ADCY5: variants seen among roughly 807,000 people sequenced by gnomAD.
ADCY5 encodes the protein adenylate cyclase 5.
ADCY5 carries 30 observed loss-of-function variants against 119.7 expected under a neutral mutation model. The observed-to-expected ratio is 0.25, with a 90% CI of 0.19 to 0.34. ADCY5 has a LOEUF of 0.34. Among genes scored for constraint, ADCY5 ranks in the 10% least tolerant of loss-of-function variants. The pLI, the probability that ADCY5 is intolerant of heterozygous loss-of-function variation, is 1.00. For missense variants in ADCY5, 1,324 were observed against 1,775.2 expected (o/e 0.75, Z 4.57); for synonymous variants, 753 against 762.2 (o/e 0.99, Z 0.20).
intron 14 of ADCY5, 26 bp from the exon 15 acceptor site, chr3:123,300,321 G>C (rs761545797): frequency 6.2e-7 from 1 of 1,610,024 alleles, no homozygotes; most frequent in Non-Finnish European, 8.5e-7. Flanking sequence ...AGCAGCATCA[G>C]CTCCCCAGGC....
chr3:123,291,656 G>T (rs370534719), intron 17 of ADCY5, among the ~76,000 whole-genome samples: 2 of 152,132 alleles, frequency 1.3e-5, no homozygotes, highest in African/African-American at 4.8e-5. Flanking sequence ...GCAGCAGGGA[G>T]CCCCGAGCAG....
chr3:123,412,807 A>C (rs916128839), intron 1 of ADCY5, among the ~76,000 whole-genome samples: 13 of 151,134 alleles, frequency 8.6e-5, no homozygotes, highest in African/African-American at 3.2e-4. Context: ...CAAAACAAAC[A>C]AACAATGACA....
At chr3:123,399,950 C>T (rs575584875) in intron 1 of ADCY5, among the ~76,000 whole-genome samples, 1 of 152,286 alleles carries the variant, frequency 6.6e-6, no homozygotes, top group East Asian at 1.9e-4. Flanking sequence ...TGTACAAAGG[C>T]AGCTGCACAA....
rs1553727887 is a variant in ADCY5 at position 123,332,596 on chromosome 3, C to A, written c.1486G>T (p.Glu496Ter). Residue 496 changes from glutamate to a stop codon, truncating the protein, a stop_gained, in exon 4 of 21, where the codon GAG (glutamate) becomes TAG (stop). Coordinates refer to ENST00000462833, the MANE Select transcript of ADCY5 (RefSeq NM_183357.3). LOFTEE classifies it high-confidence loss of function. Reference protein sequence around the residue: ...TAQELVMTLNELFARFDKLAA... With the variant: ...TAQELVMTLN ...AGCTTGTCAAAGCGGGCGAAGAGCT[C>A]GTTGAGGGTCATGACCAGTTCCTGT... The A allele has an allele frequency of 6.2e-7, 1 of 1,613,692 alleles. No individual in the cohort carries two copies. Among genetic ancestry groups the A allele is most frequent in the South Asian group, 1.1e-5 (1 of 91,018 alleles).
intron 3 of ADCY5, among the ~76,000 whole-genome samples, chr3:123,338,456 CCTACAGCAGACTGT>C (rs1942123976): frequency 6.6e-6 from 1 of 152,212 alleles, no homozygotes; most frequent in African/African-American, 2.4e-5. Flanking sequence ...CAAGGTTTAC[CCTACAGCAGACTGT>C]CTGTTCTGCT....
chr3:123,313,766 T>C (rs1479509652), intron 12 of ADCY5, among the ~76,000 whole-genome samples: 1 of 152,138 alleles, frequency 6.6e-6, no homozygotes, highest in East Asian at 1.9e-4. Flanking sequence ...ACACTCCTCA[T>C]CTATGTGCTG....
chr3:123,354,634 G>C (rs922317088), intron 1 of ADCY5, among the ~76,000 whole-genome samples: 4 of 152,144 alleles, frequency 2.6e-5, no homozygotes, highest in African/African-American at 9.7e-5. Context: ...GAGGAGATCT[G>C]TGTGAAAAGA....
chr3:123,380,557 C>T (rs947654012), intron 1 of ADCY5, among the ~76,000 whole-genome samples: 1 of 152,210 alleles, frequency 6.6e-6, no homozygotes, highest in Non-Finnish European at 1.5e-5. Context: ...CAAGCACACA[C>T]CACAAAAGCC....
At chr3:123,396,338 GAGA>G (rs1944562939) in intron 1 of ADCY5, among the ~76,000 whole-genome samples, 1 of 129,924 alleles carries the variant, frequency 7.7e-6, no homozygotes, top group Non-Finnish European at 1.6e-5. Context: ...GAAAAGAAAA[GAGA>G]AGAAAAAGAG....
Position 123,436,441 on chromosome 3 carries a change from C to T in ADCY5, c.1134+10971G>A, listed in dbSNP as rs115266016. ...GTCTTTTGGCTGGGAATGGTGGGCT[C>T]ACACCTGTAATCCCAGTACTTTGGG... On this transcript the variant is annotated intron_variant, in intron 1 of 20. Transcript: ENST00000462833. Among the ~76,000 whole-genome samples the T allele has an allele frequency of 2.6e-5, 4 of 152,114 alleles. No individual in the cohort carries two copies. The East Asian group carries it at 5.8e-4, about 22-fold the overall frequency.
At chr3:123,349,165 C>A (rs973314006) in intron 2 of ADCY5, among the ~76,000 whole-genome samples, 7 of 152,224 alleles carry the variant, frequency 4.6e-5, no homozygotes, top group African/African-American at 1.2e-4. Context: ...ACATCACACC[C>A]AAACCACACT....
intron 15 of ADCY5, among the ~76,000 whole-genome samples, chr3:123,299,224 C>T (rs1485806409): frequency 1.3e-5 from 2 of 152,178 alleles, no homozygotes; most frequent in Non-Finnish European, 2.9e-5. Flanking sequence ...TCTGAGGAGT[C>T]CCCTTCCCTT....
chr3:123,307,652 AC>A (rs1452338492), intron 12 of ADCY5, among the ~76,000 whole-genome samples: 1 of 151,036 alleles, frequency 6.6e-6, no homozygotes, highest in African/African-American at 2.4e-5. Flanking sequence ...CCCTTCCCTC[AC>A]CCCCACCCCA....
At chr3:123,355,328 AT>A (rs1943002192) in intron 1 of ADCY5, among the ~76,000 whole-genome samples, 1 of 152,144 alleles carries the variant, frequency 6.6e-6, no homozygotes, top group Non-Finnish European at 1.5e-5. Flanking sequence ...TGGAAGTAAA[AT>A]TTTTAAAGGT....
intron 3 of ADCY5, among the ~76,000 whole-genome samples, chr3:123,338,713 A>G (rs1345116385): frequency 6.6e-6 from 1 of 152,170 alleles, no homozygotes; most frequent in East Asian, 1.9e-4. Context: ...CCTGCATTCT[A>G]TTCCAGGGGC....
intron 1 of ADCY5, among the ~76,000 whole-genome samples, chr3:123,409,522 C>A (rs1944989645): frequency 6.6e-6 from 1 of 152,150 alleles, no homozygotes; most frequent in African/African-American, 2.4e-5. Context: ...GTCCAAGCAG[C>A]ACAGATAGGT....
intron 17 of ADCY5, among the ~76,000 whole-genome samples, chr3:123,293,087 G>A (rs1261803629): frequency 6.6e-6 from 1 of 152,224 alleles, no homozygotes. Context: ...CTACTTCTGG[G>A]GCTGCGCCCT....
At chr3:123,331,704 G>A (rs1397741045) in intron 4 of ADCY5, among the ~76,000 whole-genome samples, 1 of 152,104 alleles carries the variant, frequency 6.6e-6, no homozygotes, top group African/African-American at 2.4e-5. Context: ...GTCCAACTCT[G>A]GCTCCCAAAG....
In ADCY5 at chr3:123,300,162, G is replaced by A. The variant is rs372170924; in HGVS notation, c.2858C>T (p.Thr953Met). The part of the protein sequence containing the change: ...YVLIVEVPGV[T>M]LFDNADLLVT... ...CAGCAGGTCGGCGTTGTCGAAGAGCGTGACACCTGGCACCTCCACGATGAG... is the reference window on the plus strand; with the variant it reads ...CAGCAGGTCGGCGTTGTCGAAGAGCATGACACCTGGCACCTCCACGATGAG... The change falls in exon 15 of 21, where the codon ACG (threonine) becomes ATG (methionine). Residue 953 changes from threonine to methionine, a missense_variant. By Grantham distance (81) the Thr-to-Met change is moderately conservative (BLOSUM62 -1). Around this residue, in one of 6 missense-constraint regions of ADCY5, gnomAD observed 424 missense variants for 546.8 expected, o/e 0.78. Coordinates refer to ENST00000462833, the MANE Select transcript of ADCY5 (RefSeq NM_183357.3). The A allele has an allele frequency of 1.3e-5, 21 of 1,613,772 alleles. No individual in the cohort carries two copies. Among genetic ancestry groups the A allele is most frequent in the Admixed American group, 3.3e-5 (2 of 60,014 alleles).
Sources: allele counts gnomAD v4.1 joint callset (sites outside exome capture counted in the v4.1 genomes callset), GRCh38; gene constraint gnomAD v4.1.1; regional missense constraint gnomAD v4.1.1; transcripts MANE v1.5; gene names NCBI Gene and HGNC (gene_info 2026-07-23, HGNC 2026-07-21).